Variants in GAS2 observed in about 807,000 individuals in gnomAD.
GAS2 encodes growth arrest-specific protein 2.
A neutral mutation model predicts 37.5 loss-of-function variants in GAS2; 20 were observed. The observed-to-expected ratio is 0.53, with a 90% CI of 0.37 to 0.77. The LOEUF is 0.77. Ranked by LOEUF, GAS2 falls within the 30% of genes least tolerant of loss-of-function variation. The pLI is 0.00. For missense variants in GAS2, 336 were observed against 373.4 expected, an observed-to-expected ratio of 0.90 and a Z score of 0.82; for synonymous variants, 144 against 132.2, an observed-to-expected ratio of 1.09 and a Z score of -0.61.
At chr11:22,706,845 T>C (rs894079354) in intron 3 of GAS2, among the ~76,000 whole-genome samples, 1 of 152,144 alleles carries the variant, frequency 6.6e-6, no homozygotes, top group Non-Finnish European at 1.5e-5. Context: ...TTTGGGTATA[T>C]ACCCAGTAAT....
intron 1 of GAS2, among the ~76,000 whole-genome samples, chr11:22,648,336 A>G (rs1364531780): frequency 1.3e-5 from 2 of 152,162 alleles, no homozygotes; most frequent in Non-Finnish European, 2.9e-5. Flanking sequence ...GCCTTGTAGT[A>G]TAGTTTGAAG....
intron 3 of GAS2, among the ~76,000 whole-genome samples, chr11:22,712,745 T>C (rs1470173739): frequency 2.0e-5 from 3 of 152,234 alleles, no homozygotes; most frequent in Middle Eastern, 6.8e-3. Context: ...ATTATTAAGC[T>C]TCTCAAGGTG....
chr11:22,655,771 G>A (rs1848847445), intron 1 of GAS2, among the ~76,000 whole-genome samples: 1 of 152,152 alleles, frequency 6.6e-6, no homozygotes, highest in Non-Finnish European at 1.5e-5. Flanking sequence ...ACCATAAGAT[G>A]TAAATAATAT....
intron 3 of GAS2, among the ~76,000 whole-genome samples, chr11:22,725,431 A>G (rs1469223045): frequency 2.6e-5 from 4 of 152,074 alleles, no homozygotes; most frequent in Non-Finnish European, 5.9e-5. Flanking sequence ...AAAAGTCTGT[A>G]GAATGTTATA....
At chr11:22,698,702 A>T (rs575185167) in intron 3 of GAS2, among the ~76,000 whole-genome samples, 195 of 152,204 alleles carry the variant, frequency 1.3e-3, no homozygotes, top group Middle Eastern at 3.4e-3. Flanking sequence ...CTGGGATGCA[A>T]GGCTGGTTCA....
chr11:22,789,452 A>ATTTTT (rs1242735681), intron 7 of GAS2, among the ~76,000 whole-genome samples: 1 of 74,238 alleles, frequency 1.3e-5, no homozygotes, highest in African/African-American at 5.2e-5. Flanking sequence ...ATATATATAT[A>ATTTTT]TATTCTTTTT....
At chr11:22,784,328 T>C (rs574516067) in intron 7 of GAS2, among the ~76,000 whole-genome samples, 40 of 152,294 alleles carry the variant, frequency 2.6e-4, no homozygotes, top group African/African-American at 9.6e-4. Context: ...TGTCTTCAAC[T>C]ATGAGAAGGA....
intron 6 of GAS2, among the ~76,000 whole-genome samples, chr11:22,751,033 A>G (rs1442263781): frequency 6.6e-6 from 1 of 151,908 alleles, no homozygotes; most frequent in African/African-American, 2.4e-5. Flanking sequence ...ATGCATCTCT[A>G]CAACATTTCT....
chr11:22,746,042 C>A (rs1257190409), intron 5 of GAS2, among the ~76,000 whole-genome samples: 1 of 152,066 alleles, frequency 6.6e-6, no homozygotes, highest in African/African-American at 2.4e-5. Flanking sequence ...TTTAGCCAGG[C>A]ATGGTGGCAT....
At chr11:22,806,496 C>T (rs575716638) in intron 7 of GAS2, among the ~76,000 whole-genome samples, 1 of 152,086 alleles carries the variant, frequency 6.6e-6, no homozygotes, top group Admixed American at 6.6e-5. Flanking sequence ...CACATGGTAC[C>T]TTTATTTTTA....
At chr11:22,671,628 G>T (rs556673616) in intron 1 of GAS2, among the ~76,000 whole-genome samples, 1 of 152,186 alleles carries the variant, frequency 6.6e-6, no homozygotes, top group Non-Finnish European at 1.5e-5. Flanking sequence ...ACTTTTGAAT[G>T]AATTCAAGAG....
chr11:22,767,591 A>G (rs1295159793), intron 7 of GAS2, among the ~76,000 whole-genome samples: 1 of 152,162 alleles, frequency 6.6e-6, no homozygotes, highest in African/African-American at 2.4e-5. Context: ...ATAATTATGC[A>G]TAATGTGTTG....
chr11:22,682,651 G>A (rs920659869), intron 2 of GAS2, among the ~76,000 whole-genome samples: 6 of 151,772 alleles, frequency 4.0e-5, no homozygotes, highest in African/African-American at 4.8e-5. Flanking sequence ...AGGCTGAGGC[G>A]GGCAGATCAC....
At chr11:22,654,086 A>G (rs1247452784) in intron 1 of GAS2, among the ~76,000 whole-genome samples, 2 of 152,248 alleles carry the variant, frequency 1.3e-5, no homozygotes, top group African/African-American at 4.8e-5. Flanking sequence ...ACTGTGGACT[A>G]GATATAAACT....
At chr11:22,746,691 G>A (rs1853421669) in intron 5 of GAS2, among the ~76,000 whole-genome samples, 1 of 152,072 alleles carries the variant, frequency 6.6e-6, no homozygotes, top group Non-Finnish European at 1.5e-5. Flanking sequence ...AAGACACTGG[G>A]AACTCTAGAG....
At chr11:22,770,444 T>G (rs1044062765) in intron 7 of GAS2, among the ~76,000 whole-genome samples, 1 of 152,210 alleles carries the variant, frequency 6.6e-6, no homozygotes, top group Non-Finnish European at 1.5e-5. Context: ...TAGTAGGATA[T>G]TCCCCCAAAG....
chr11:22,674,847 C>T lies in GAS2; in HGVS notation c.-20-3C>T. 6.5e-7 allele frequency: 1 copy of T among 1,547,876 alleles called. No homozygotes were observed. The highest frequency in any genetic ancestry group is 2.3e-5 in the East Asian group (1 of 43,030). ...AGCAATTGCTCTTTTGTTTCCAAAACAGGTATTACAAGTGGATAAATAATG... is the reference window on the plus strand; with the variant it reads ...AGCAATTGCTCTTTTGTTTCCAAAATAGGTATTACAAGTGGATAAATAATG... On this transcript the variant is annotated splice_polypyrimidine_tract_variant and splice_region_variant and intron_variant, in intron 1 of 7. Coordinates refer to ENST00000454584, the MANE Select transcript of GAS2 (RefSeq NM_001143830.3).
At chr11:22,810,013 T>C (rs924214824) in intron 7 of GAS2, among the ~76,000 whole-genome samples, 24 of 152,198 alleles carry the variant, frequency 1.6e-4, no homozygotes, top group Non-Finnish European at 2.2e-4. Context: ...AAGGTCCTTT[T>C]GTTACTGAAA....
intron 3 of GAS2, among the ~76,000 whole-genome samples, chr11:22,695,150 T>G (rs1850437260): frequency 6.6e-6 from 1 of 151,790 alleles, no homozygotes; most frequent in Non-Finnish European, 1.5e-5. Flanking sequence ...TAAAACGCTG[T>G]CTCTACCAAA....
Sources: gnomAD v4.1 joint callset for allele counts (sites outside exome capture counted in the v4.1 genomes callset) on GRCh38, gnomAD v4.1.1 for gene constraint, MANE v1.5 for transcripts, NCBI Gene and HGNC (gene_info 2026-07-23, HGNC 2026-07-21) for gene names.